Variants in DMKN observed in about 807,000 individuals in gnomAD.
DMKN encodes epidermis-specific secreted protein SK30/SK89.
Under a neutral mutation model 67.6 loss-of-function variants are expected in DMKN, and 58 were observed. The observed-to-expected ratio is 0.86, with a 90% CI of 0.69 to 1.07. DMKN has a LOEUF of 1.07. Ranked by LOEUF, DMKN falls within the 50% of genes least tolerant of loss-of-function variation. DMKN has a pLI of 0.00. For missense variants in DMKN, 596 were observed against 601.5 expected, an observed-to-expected ratio of 0.99 and a Z score of 0.10; for synonymous variants, 240 against 232.3, an observed-to-expected ratio of 1.03 and a Z score of -0.30.
chr19:35,504,004 A>G (rs1448530738), intron 9 of DMKN, among the ~76,000 whole-genome samples: 2 of 151,994 alleles, frequency 1.3e-5, no homozygotes, highest in Non-Finnish European at 2.9e-5. Context: ...TGAAGTCCTC[A>G]GCTCCCTCAC....
In DMKN at chr19:35,499,914, AT is replaced by A; in HGVS notation, c.1359+43del. 2.5e-6 allele frequency: 4 copies of A among 1,605,726 alleles called. No homozygotes were observed. In the African/African-American group the frequency reaches 5.3e-5, roughly 21 times the overall value. On this transcript the variant is annotated intron_variant, in intron 13 of 15. Coordinates refer to ENST00000339686, the MANE Select transcript of DMKN (RefSeq NM_033317.5). Reference sequence around the variant, plus strand: ...GTGAAAGCCTCTCTCCCCATCCCTCATGCAGAGCCCCCAGCGGGAAGACAGG... The same window carrying A: ...GTGAAAGCCTCTCTCCCCATCCCTCAGCAGAGCCCCCAGCGGGAAGACAGG...
intron 6 of DMKN, 37 bp downstream of exon 6, chr19:35,510,147 T>C (rs764686482): frequency 8.2e-6 from 13 of 1,583,824 alleles, no homozygotes. Flanking sequence ...TCCTTTTCCT[T>C]CCCGCGGTTG....
At position 35,499,896 on chromosome 19, in the gene DMKN, C is replaced by A. The variant is rs2068061896; in HGVS notation, c.1359+62G>T. 3 of 1,583,266 alleles carry A rather than the reference C, an allele frequency of 1.9e-6. No individual in the cohort carries two copies. The Admixed American group carries it at 5.0e-5, about 26-fold the overall frequency. ...ACCGAGAGGACCCCGGCAGTGAAAG[C>A]CTCTCTCCCCATCCCTCATGCAGAG... is the stretch of plus-strand genomic sequence containing the variant. On this transcript the variant is annotated intron_variant, in intron 13 of 15. Transcript: ENST00000339686.
rs192502715 is a variant in DMKN at position 35,504,564 on chromosome 19, C to T, written c.1134+1154G>A. ...CTACACTCCAACCTGGGTGACAGAG[C>T]GAGACTCCGTCTCACCAAAAAAAAA... is the stretch of plus-strand genomic sequence containing the variant. On this transcript the variant is annotated intron_variant, in intron 9 of 15. Coordinates refer to ENST00000339686, the MANE Select transcript of DMKN (RefSeq NM_033317.5). Among the ~76,000 whole-genome samples, 396 of 132,446 alleles carry T rather than the reference C, an allele frequency of 3.0e-3. 2 individuals are homozygous for T. Among genetic ancestry groups the T allele is most frequent in the Admixed American group, 6.5e-3 (78 of 11,974 alleles). 86.9% of individuals were successfully genotyped at this position (132,446 alleles called of 152,430 possible).
At position 35,511,464 on chromosome 19, in the gene DMKN, TGCCACCAC is replaced by T; in HGVS notation, c.857_864del (p.Ser286LysfsTer11). 8.9e-7 allele frequency: 1 copy of T among 1,120,138 alleles called. No individual in the cohort carries two copies. Among genetic ancestry groups the T allele is most frequent in the Non-Finnish European group, 1.2e-6 (1 of 858,460 alleles). The allele number at this position is 1,120,138 out of a possible 1,614,324, so 69.4% of individuals were successfully genotyped here. On this transcript the variant is annotated frameshift_variant, in exon 5 of 16. Transcript: ENST00000339686. LOFTEE classifies it high-confidence loss of function. The stretch of plus-strand genomic sequence containing the variant: ...CTGCTGCCACCACTGTTGCCACTGC[TGCCACCAC>T]TGCTGCCGCCACTGCTGCCGCCACT...
intron 9 of DMKN, 38 bp downstream of exon 9, chr19:35,505,680 C>T (rs1292857009): frequency 1.2e-6 from 2 of 1,613,664 alleles, no homozygotes; most frequent in Admixed American, 1.7e-5. Context: ...TAGCTTTCTT[C>T]CCTATAGCCC....
intron 9 of DMKN, among the ~76,000 whole-genome samples, chr19:35,504,913 A>T (rs1222556569): frequency 1.4e-5 from 2 of 142,880 alleles, no homozygotes; most frequent in Non-Finnish European, 3.0e-5. Flanking sequence ...GCCTAACCCC[A>T]CCCCATGGAA....
chr19:35,506,219 C>T, intron 7 of DMKN: 1 of 1,469,586 alleles, frequency 6.8e-7, no homozygotes, highest in Non-Finnish European at 9.0e-7. Context: ...ATGTCCAAGG[C>T]TTATGCTTCC....
intron 13 of DMKN, 184 bp downstream of exon 13, chr19:35,499,774 C>T: frequency 4.9e-6 from 3 of 613,414 alleles, no homozygotes; most frequent in Admixed American, 5.9e-5. Flanking sequence ...CCCTCCTGCC[C>T]TCCACTTCCA....
chr19:35,511,687 ATG>A (rs2070853231), intron 4 of DMKN, 74 bp downstream of exon 4: 27 of 1,592,534 alleles, frequency 1.7e-5, no homozygotes, highest in Non-Finnish European at 2.3e-5. Flanking sequence ...ATATTCCATG[ATG>A]CCCAGTCTAA....
At chr19:35,511,270 G>A (rs2070704652) in intron 5 of DMKN, 141 bp downstream of exon 5, 2 of 1,458,748 alleles carry the variant, frequency 1.4e-6, no homozygotes. Flanking sequence ...AGGAGGCTGA[G>A]GGAGCCTCAG....
At position 35,511,596 on chromosome 19, in the gene DMKN, G is replaced by A. The variant is rs756666712; in HGVS notation, c.736-3C>T. ...CCCGACTGTGAGCCGCTGCCTCCCTGAGGGGCAGGAAGGGAGCAGGGCTGG... is the reference window on the plus strand; with the variant it reads ...CCCGACTGTGAGCCGCTGCCTCCCTAAGGGGCAGGAAGGGAGCAGGGCTGG... On this transcript the variant is annotated splice_polypyrimidine_tract_variant and splice_region_variant and intron_variant, in intron 4 of 15. Coordinates refer to ENST00000339686, the MANE Select transcript of DMKN (RefSeq NM_033317.5). The A allele has an allele frequency of 4.3e-6, 7 of 1,611,594 alleles. No individual in the cohort carries two copies. The African/African-American group carries it at 8.0e-5, about 18-fold the overall frequency.
intron 8 of DMKN, 22 bp from the exon 9 acceptor site, chr19:35,505,787 G>A (rs1001511839): frequency 1.9e-6 from 3 of 1,614,196 alleles, no homozygotes; most frequent in Admixed American, 1.7e-5. Flanking sequence ...ACAAAAAGAA[G>A]AATGGCCAAA....
chr19:35,508,259 A>G (rs750035415), intron 7 of DMKN: 64 of 1,551,956 alleles, frequency 4.1e-5, no homozygotes, highest in Non-Finnish European at 1.7e-6. Context: ...TGAGACAAAG[A>G]AACACAGACC....
rs753796435 is a variant in DMKN at position 35,512,652 on chromosome 19, G to A, written c.565C>T (p.Gln189Ter). ...NSAGSFGMNP[Q>*]GAPWGQGGNG... ...CCTCCTTGACCCCAGGGAGCTCCCT[G>A]AGGATTCATTCCAAAGCTGCCTGCT... Residue 189 changes from glutamine (Q) to a stop codon, truncating the protein, a stop_gained, in exon 2 of 16, where the codon CAG (glutamine) becomes TAG (stop). Transcript: ENST00000339686. LOFTEE classifies it high-confidence loss of function. The A allele has an allele frequency of 3.7e-6, 6 of 1,614,214 alleles. No homozygotes were observed. In the South Asian group the frequency reaches 6.6e-5, roughly 18 times the overall value.
rs758139123 is a variant in DMKN at position 35,507,758 on chromosome 19, C to T, written c.1039-1772G>A. 2.6e-4 allele frequency: 130 copies of T among 506,414 alleles called. 1 individual carries two copies. Among genetic ancestry groups the T allele is most frequent in the Non-Finnish European group, 3.9e-4 (110 of 282,432 alleles). The allele number at this position is 506,414 out of a possible 1,614,324, so 31.4% of individuals were successfully genotyped here. A position where few individuals can be genotyped will look rare whatever the true frequency, so the allele number is the denominator to read the frequency against. On this transcript the variant is annotated intron_variant, in intron 7 of 15. Transcript: ENST00000339686. ...CACTTACGATGTCCATAGATAACATCGCCATCTCTGTTTATGTTCATTTCT... is the reference window on the plus strand; with the variant it reads ...CACTTACGATGTCCATAGATAACATTGCCATCTCTGTTTATGTTCATTTCT...
chr19:35,505,913 G>C, intron 8 of DMKN, 26 bp downstream of exon 8: 1 of 1,614,178 alleles, frequency 6.2e-7, no homozygotes, highest in Non-Finnish European at 8.5e-7. Flanking sequence ...AAATGCGAGT[G>C]AACAGAGCCA....
In DMKN at chr19:35,511,503, T is replaced by C. The variant is rs113540509; in HGVS notation, c.826A>G (p.Ser276Gly). 2.7e-3 allele frequency: 2,794 copies of C among 1,020,320 alleles called. 22 individuals are homozygous for C. The highest frequency in any genetic ancestry group is 0.026 in the African/African-American group (1,105 of 41,724). 63.2% of individuals were successfully genotyped at this position (1,020,320 alleles called of 1,614,324 possible). A position where few individuals can be genotyped will look rare whatever the true frequency, so the allele number is the denominator to read the frequency against. Residue 276 changes from serine to glycine, a missense_variant, in exon 5 of 16, where the codon AGC becomes GGC. Physicochemically the swap from Ser to Gly is moderately conservative, Grantham distance 56. Transcript: ENST00000339686. ...GSSSGGSSSGSSSGGSSGGSS... is the reference protein window; with the variant it reads ...GSSSGGSSSGGSSGGSSGGSS... ...CCGCCACTGCTGCCGCCACTGCTGC[T>C]GCCACTGCTGCTGCCACCACTGCTG...
chr19:35,512,896 C>G (rs945648770), intron 1 of DMKN, 106 bp from the exon 2 acceptor site: 2 of 1,507,502 alleles, frequency 1.3e-6, no homozygotes, highest in African/African-American at 2.8e-5. Context: ...CAGAGGGACT[C>G]CAGGGTGGCA....
Sources: allele counts gnomAD v4.1 joint callset (sites outside exome capture counted in the v4.1 genomes callset), GRCh38; gene constraint gnomAD v4.1.1; transcripts MANE v1.5; gene names NCBI Gene and HGNC (gene_info 2026-07-23, HGNC 2026-07-21).